The following TPM1 variants were observed in gnomAD, a reference collection of about 807,000 sequenced individuals.
The protein encoded by TPM1 is tropomyosin 1, also known as tropomyosin alpha-1 chain.
TPM1 carries 24 observed loss-of-function variants against 42.9 expected under a neutral mutation model. That is an observed-to-expected ratio of 0.56 (90% CI 0.41 to 0.79). The LOEUF is 0.79. Among genes scored for constraint, TPM1 ranks in the 30% least tolerant of loss-of-function variants. TPM1 has a pLI of 0.00. For missense variants in TPM1, 158 were observed against 351.8 expected (o/e 0.45, Z 4.41); for synonymous variants, 136 against 130.1 (o/e 1.05, Z -0.31).
intron 9 of TPM1, chr15:63,064,929 C>T (rs1392238412): frequency 1.1e-5 from 10 of 913,716 alleles, no homozygotes; most frequent in African/African-American, 5.4e-5. Flanking sequence ...ATCGCACCAC[C>T]GCACTCCAGC....
chr15:63,065,119 T>C, intron 9 of TPM1: 2 of 985,474 alleles, frequency 2.0e-6, no homozygotes, highest in Non-Finnish European at 2.4e-6. Context: ...GATTGTACAA[T>C]GTGAGCTTGG....
At position 63,064,065 on chromosome 15, in the gene TPM1, C is replaced by T. The variant is rs762282433; in HGVS notation, c.774C>T (p.Asp258=). Reference sequence around the variant, plus strand: ...CTGCCTTCCACTTCCTGGTCATAGACGAGCTGTACGCTCAGAAACTGAAGT... The same window carrying T: ...CTGCCTTCCACTTCCTGGTCATAGATGAGCTGTACGCTCAGAAACTGAAGT... ...KLEKSIDDLE[D]ELYAQKLKYK... The change falls in exon 9 of 10, where the codon GAC becomes GAT. Residue 258 remains aspartate, a splice_region_variant and synonymous_variant. Transcript: ENST00000403994. 2.7e-5 allele frequency: 43 copies of T among 1,613,980 alleles called. 2 individuals carry two copies. In the South Asian group the frequency reaches 3.1e-4, roughly 12 times the overall value.
intron 9 of TPM1, chr15:63,064,428 G>A: frequency 1.6e-6 from 2 of 1,221,714 alleles, no homozygotes; most frequent in Non-Finnish European, 2.1e-6. Context: ...GTCCTTTTGG[G>A]AAATTAAGCT....
intron 1 of TPM1, chr15:63,043,407 G>C: frequency 1.6e-6 from 1 of 619,776 alleles, no homozygotes; most frequent in Admixed American, 2.1e-5. Flanking sequence ...AAGATGGGGC[G>C]GAATGGAGGC....
chr15:63,059,555 CTTTTCAGAG>C lies in TPM1; in HGVS notation c.375-7_376del. On this transcript the variant is annotated splice_acceptor_variant and splice_polypyrimidine_tract_variant and coding_sequence_variant and intron_variant, in exon 4 of 10. Coordinates refer to ENST00000403994, the MANE Select transcript of TPM1 (RefSeq NM_001018005.2). LOFTEE classifies it high-confidence loss of function. ...ATCTTGGGTTTTCTTGCTTGTCTTTCTTTTCAGAGGCATGAAAGTCATTGAGAGTCGAGC... is the reference window on the plus strand; with the variant it reads ...ATCTTGGGTTTTCTTGCTTGTCTTTCGCATGAAAGTCATTGAGAGTCGAGC... The C allele has an allele frequency of 6.2e-7, 1 of 1,605,304 alleles. No individual in the cohort carries two copies. Among genetic ancestry groups the C allele is most frequent in the South Asian group, 1.1e-5 (1 of 90,632 alleles).
intron 2 of TPM1, among the ~76,000 whole-genome samples, chr15:63,050,714 C>G (rs2033683592): frequency 6.6e-6 from 1 of 152,214 alleles, no homozygotes; most frequent in African/African-American, 2.4e-5. Flanking sequence ...AACTTGAAGA[C>G]TGGATCAGAC....
chr15:63,049,015 C>T (rs1434791540), intron 2 of TPM1: 1 of 380,674 alleles, frequency 2.6e-6, no homozygotes, highest in South Asian at 2.4e-5. Context: ...GGCTTTCAGT[C>T]GTGTCTGTGC....
downstream of TPM1, among the ~76,000 whole-genome samples, chr15:63,067,660 G>A (rs1306762706): frequency 6.6e-6 from 1 of 152,178 alleles, no homozygotes; most frequent in Non-Finnish European, 1.5e-5. Context: ...CCCAAGGTAT[G>A]CATGTGCAAG....
chr15:63,051,638 T>C (rs1457822235), intron 2 of TPM1, among the ~76,000 whole-genome samples: 1 of 152,156 alleles, frequency 6.6e-6, no homozygotes, highest in Admixed American at 6.5e-5. Context: ...CTTCTTCGTA[T>C]AACTACAGTT....
At position 63,059,692 on chromosome 15, in the gene TPM1, G is replaced by A. The variant is rs1240299748; in HGVS notation, c.492+12G>A. The A allele has an allele frequency of 6.3e-7, 1 of 1,591,482 alleles. No individual in the cohort carries two copies. The highest frequency in any genetic ancestry group is 8.6e-7 in the Non-Finnish European group (1 of 1,162,118). ...GCAAATATGAAGAGGTCAGATCCTG[G>A]GGCCCAAAGCCTTGTGGACACCCAG... On this transcript the variant is annotated intron_variant, in intron 4 of 9. Coordinates refer to ENST00000403994, the MANE Select transcript of TPM1 (RefSeq NM_001018005.2).
chr15:63,044,348 C>T, intron 2 of TPM1, 196 bp downstream of exon 2: 2 of 791,234 alleles, frequency 2.5e-6, no homozygotes, highest in South Asian at 3.2e-5. Context: ...ATCCACTCCT[C>T]TCTTCTTCTC....
At chr15:63,063,345 GA>G in intron 8 of TPM1, 2 of 985,468 alleles carry the variant, frequency 2.0e-6, no homozygotes, top group Non-Finnish European at 2.4e-6. Context: ...GGAGAAGAGA[GA>G]ATGACAAATG....
At chr15:63,069,026 G>A (rs930676529), downstream of TPM1, among the ~76,000 whole-genome samples, 3 of 152,084 alleles carry the variant, frequency 2.0e-5, no homozygotes, top group Non-Finnish European at 4.4e-5. Context: ...GGTGGCGGGC[G>A]CCTGTAGTCC....
At chr15:63,062,014 A>C in intron 6 of TPM1, 1 of 675,128 alleles carries the variant, frequency 1.5e-6, no homozygotes, top group African/African-American at 1.8e-5. Flanking sequence ...CAAGTGGATA[A>C]GTTATCTTGT....
chr15:63,069,292 G>A (rs1257114963), downstream of TPM1, among the ~76,000 whole-genome samples: 1 of 152,182 alleles, frequency 6.6e-6, no homozygotes, highest in African/African-American at 2.4e-5. Context: ...TGGTGACTGG[G>A]GGAAGGACAG....
chr15:63,061,439 T>C (rs533998419), intron 5 of TPM1: 1 of 794,972 alleles, frequency 1.3e-6, no homozygotes, highest in African/African-American at 1.7e-5. Flanking sequence ...TCCTTTGTTT[T>C]CCCTTCATAA....
At chr15:63,069,778 CTT>C (rs1201135128), downstream of TPM1, 23 of 1,535,232 alleles carry the variant, frequency 1.5e-5, no homozygotes, top group Non-Finnish European at 2.0e-5. Context: ...CTTGAGGTCT[CTT>C]TGTGTTCTCT....
chr15:63,065,614 T>C (rs2036190362), intron 9 of TPM1: 1 of 985,110 alleles, frequency 1.0e-6, no homozygotes, highest in African/African-American at 1.7e-5. Context: ...GCATCAAGTA[T>C]GATTAAATAT....
downstream of TPM1, among the ~76,000 whole-genome samples, chr15:63,067,365 A>C (rs4619348): frequency 0.52 from 78,881 of 152,042 alleles, 20,930 homozygotes; most frequent in East Asian, 0.58. Context: ...CCATGATTTC[A>C]TGCTTTTCTT....
Sources: gnomAD v4.1 joint callset for allele counts (sites outside exome capture counted in the v4.1 genomes callset) on GRCh38, gnomAD v4.1.1 for gene constraint, MANE v1.5 for transcripts, NCBI Gene and HGNC (gene_info 2026-07-23, HGNC 2026-07-21) for gene names.